The following LRSAM1 variants were observed in gnomAD, a reference collection of about 807,000 sequenced individuals.
LRSAM1 encodes E3 ubiquitin-protein ligase LRSAM1.
A neutral mutation model predicts 118.1 loss-of-function variants in LRSAM1; 96 were observed. The observed-to-expected ratio is 0.81, with a 90% CI of 0.69 to 0.96. The LOEUF is 0.96. Ranked by LOEUF, LRSAM1 falls within the 40% of genes least tolerant of loss-of-function variation. LRSAM1 has a pLI of 0.00. For missense variants in LRSAM1, 804 were observed against 915.5 expected (o/e 0.88, Z 1.57); for synonymous variants, 322 against 364.2 (o/e 0.88, Z 1.32).
In LRSAM1 at chr9:127,467,725, C is replaced by T; in HGVS notation, c.529-15C>T. On this transcript the variant is annotated splice_polypyrimidine_tract_variant and intron_variant, in intron 9 of 25. Transcript: ENST00000300417. ...TGGTAGCGAACAGTAAAGCGGGTTA[C>T]CCTTGTGTCTGCAGATGCTGAGCCT... is the stretch of plus-strand genomic sequence containing the variant. 6.2e-7 allele frequency: 1 copy of T among 1,606,082 alleles called. No homozygotes were observed. Among genetic ancestry groups the T allele is most frequent in the Non-Finnish European group, 8.5e-7 (1 of 1,176,786 alleles).
intron 2 of LRSAM1, among the ~76,000 whole-genome samples, chr9:127,452,451 C>T (rs899967747): frequency 6.6e-6 from 1 of 152,174 alleles, no homozygotes; most frequent in African/African-American, 2.4e-5. Context: ...TGCAGAGCTG[C>T]CATCTTTGCC....
At chr9:127,468,827 A>C (rs145787857) in intron 10 of LRSAM1, among the ~76,000 whole-genome samples, 9 of 147,658 alleles carry the variant, frequency 6.1e-5, no homozygotes, top group Non-Finnish European at 1.1e-4. Context: ...AAAAAAAAAA[A>C]AAAAAAAAAA....
intron 22 of LRSAM1, among the ~76,000 whole-genome samples, 166 bp from the exon 23 acceptor site, chr9:127,495,798 C>CCTAT (rs554034484): frequency 3.9e-5 from 6 of 152,266 alleles, no homozygotes; most frequent in African/African-American, 7.2e-5. Context: ...AACCCCTGGG[C>CCTAT]CTATCTATCT....
intron 10 of LRSAM1, among the ~76,000 whole-genome samples, chr9:127,471,472 T>TAAA (rs71380064): frequency 1.4e-3 from 95 of 67,800 alleles, no homozygotes; most frequent in East Asian, 2.2e-3. Context: ...CCTTATGTTA[T>TAAA]AAAAAAAAAA....
chr9:127,455,116 C>T (rs1257732364), intron 4 of LRSAM1, 62 bp downstream of exon 4: 1 of 1,544,272 alleles, frequency 6.5e-7, no homozygotes, highest in Non-Finnish European at 9.0e-7. Context: ...GATCTTGTGT[C>T]CCTAGGAAAG....
At chr9:127,477,659 A>G (rs2132057607) in intron 11 of LRSAM1, among the ~76,000 whole-genome samples, 1 of 152,276 alleles carries the variant, frequency 6.6e-6, no homozygotes, top group South Asian at 2.1e-4. Flanking sequence ...CTGAGGTGGG[A>G]GGATCACTAG....
intron 19 of LRSAM1, among the ~76,000 whole-genome samples, chr9:127,490,024 C>T (rs1259022750): frequency 6.6e-6 from 1 of 152,176 alleles, no homozygotes; most frequent in Non-Finnish European, 1.5e-5. Flanking sequence ...AGGCGGTCCT[C>T]CTCTTAGACC....
At chr9:127,493,359 G>A (rs1836006286) in intron 21 of LRSAM1, among the ~76,000 whole-genome samples, 1 of 152,166 alleles carries the variant, frequency 6.6e-6, no homozygotes, top group South Asian at 2.1e-4. Flanking sequence ...ACCGCGCCTA[G>A]CCTCTCCTGC....
chr9:127,461,605 A>G lies in LRSAM1; in HGVS notation c.406+348A>G, dbSNP rs554369287. Among the ~76,000 whole-genome samples the G allele has an allele frequency of 9.9e-5, 15 of 152,216 alleles. No individual in the cohort carries two copies. In the South Asian group the frequency reaches 3.1e-3, roughly 32 times the overall value. ...CAGTAAGGTTCTGAGCAGTGCTTCC[A>G]CCTCCAGCGACGCACCAAGCCTCCT... On this transcript the variant is annotated intron_variant, in intron 8 of 25. Transcript: ENST00000300417.
intron 17 of LRSAM1, 47 bp from the exon 18 acceptor site, chr9:127,487,629 C>T (rs1158172430): frequency 5.7e-6 from 9 of 1,572,772 alleles, no homozygotes; most frequent in Non-Finnish European, 7.8e-6. Context: ...ATAGTAGGTG[C>T]TCGGGAAACG....
chr9:127,479,590 G>A, intron 13 of LRSAM1, 85 bp downstream of exon 13: 1 of 1,578,856 alleles, frequency 6.3e-7, no homozygotes, highest in Non-Finnish European at 8.6e-7. Context: ...CCTCGGATGT[G>A]GAAAGGCAGT....
chr9:127,491,318 GCCCT>G lies in LRSAM1; in HGVS notation c.1503+26_1503+29del, dbSNP rs1277936932. On this transcript the variant is annotated intron_variant, in intron 20 of 25. Transcript: ENST00000300417. The stretch of plus-strand genomic sequence containing the variant: ...CAGGTATGTAGGGCTCCCTGCCCCT[GCCCT>G]CCTTCACGTGGTGAGACCCCCACCT... 1.3e-5 allele frequency: 21 copies of G among 1,598,296 alleles called. No individual in the cohort carries two copies. The Admixed American group carries it at 3.5e-4, about 27-fold the overall frequency.
intron 2 of LRSAM1, among the ~76,000 whole-genome samples, chr9:127,452,701 G>T (rs1446393503): frequency 6.6e-6 from 1 of 152,190 alleles, no homozygotes; most frequent in African/African-American, 2.4e-5. Context: ...TTACAGATGA[G>T]GAAACTGAGG....
At chr9:127,459,806 G>A (rs555056669) in intron 7 of LRSAM1, among the ~76,000 whole-genome samples, 13 of 151,494 alleles carry the variant, frequency 8.6e-5, no homozygotes, top group South Asian at 2.1e-4. Context: ...TGATCCACCC[G>A]TCTTGGCCTC....
rs769490948 is a variant in LRSAM1, at chr9:127,502,951, G to A, written c.*52G>A. On this transcript the variant is annotated 3_prime_UTR_variant, in exon 26 of 26. Coordinates refer to ENST00000300417, the MANE Select transcript of LRSAM1 (RefSeq NM_001005373.4). ...CCTAGCCCTGCCTCGGCCACTGTGAGCCCCGGGCTCCTGCTCAGCCTTGTG... is the reference window on the plus strand; with the variant it reads ...CCTAGCCCTGCCTCGGCCACTGTGAACCCCGGGCTCCTGCTCAGCCTTGTG... The A allele has an allele frequency of 1.9e-6, 3 of 1,554,396 alleles. No homozygotes were observed. The highest frequency in any genetic ancestry group is 2.6e-6 in the Non-Finnish European group (3 of 1,150,694).
In LRSAM1 at chr9:127,460,904, G is replaced by A. The variant is rs138506891; in HGVS notation, c.322-269G>A. 0.022 allele frequency among the ~76,000 whole-genome samples: 3,057 copies of A among 135,910 alleles called. 123 individuals are homozygous for A. The highest frequency in any genetic ancestry group is 0.075 in the African/African-American group (2,807 of 37,342). The allele number at this position is 135,910 out of a possible 152,430, so 89.2% of individuals were successfully genotyped here. ...GGAGTCTCACTCTGTTGCCCAGGCCGGAGTGCAATGGTGCAATCTCAGCTC... is the reference window on the plus strand; with the variant it reads ...GGAGTCTCACTCTGTTGCCCAGGCCAGAGTGCAATGGTGCAATCTCAGCTC... On this transcript the variant is annotated intron_variant, in intron 7 of 25. Transcript: ENST00000300417.
At chr9:127,466,581 G>C (rs1385178297) in intron 9 of LRSAM1, among the ~76,000 whole-genome samples, 18 of 135,368 alleles carry the variant, frequency 1.3e-4, no homozygotes, top group African/African-American at 4.4e-4. Flanking sequence ...TCGAACTCCT[G>C]GGCTGAAGTG....
In LRSAM1 at chr9:127,492,794, G is replaced by C. The variant is rs1295097741; in HGVS notation, c.1504-8G>C. 3.7e-6 allele frequency: 6 copies of C among 1,613,314 alleles called. No individual in the cohort carries two copies. Among genetic ancestry groups the C allele is most frequent in the Non-Finnish European group, 4.2e-6 (5 of 1,179,886 alleles). Reference sequence around the variant, plus strand: ...TCACGGTGGTGCGGGGTGTGGTCTTGTTCGCAGGAGATGATCTCGGAGCAG... The same window carrying C: ...TCACGGTGGTGCGGGGTGTGGTCTTCTTCGCAGGAGATGATCTCGGAGCAG... On this transcript the variant is annotated splice_polypyrimidine_tract_variant and splice_region_variant and intron_variant, in intron 20 of 25. Coordinates refer to ENST00000300417, the MANE Select transcript of LRSAM1 (RefSeq NM_001005373.4).
At position 127,468,810 on chromosome 9, in the gene LRSAM1, C is replaced by CAAAAA. The variant is rs1185949155; in HGVS notation, c.619+1005_619+1009dup. 5.5e-4 allele frequency among the ~76,000 whole-genome samples: 9 copies of CAAAAA among 16,446 alleles called. No homozygotes were observed. The East Asian group carries it at 5.6e-3, about 10-fold the overall frequency. The allele number at this position is 16,446 out of a possible 152,430, so 10.8% of individuals were successfully genotyped here. On this transcript the variant is annotated intron_variant, in intron 10 of 25. Transcript: ENST00000300417. ...GCAACATGGTGAAACCCTGTCTCTA[C>CAAAAA]AAAAAAAAAAAAAAAAAAAAAAAAA...
Sources: allele counts gnomAD v4.1 joint callset (sites outside exome capture counted in the v4.1 genomes callset), GRCh38; gene constraint gnomAD v4.1.1; transcripts MANE v1.5; gene names NCBI Gene and HGNC (gene_info 2026-07-23, HGNC 2026-07-21).